Variants in ROR1 observed in about 807,000 individuals in gnomAD.
ROR1 encodes ROR family WNT receptor 1.
In ROR1, 19 loss-of-function variants were observed where a neutral mutation model predicts 78.8. The observed-to-expected ratio is 0.24, with a 90% confidence interval of 0.17 to 0.35. The LOEUF (loss-of-function observed/expected upper bound fraction) is 0.35, where lower values mean the gene tolerates loss of function less well. ROR1 is among the 10% of genes least tolerant of loss of function. ROR1 has a pLI of 1.00. For missense variants in ROR1, 917 were observed against 1,177.8 expected (o/e 0.78, Z 3.24); for synonymous variants, 386 against 433.6 (o/e 0.89, Z 1.36).
intron 1 of ROR1, among the ~76,000 whole-genome samples, chr1:63,905,052 C>T (rs1374236738): frequency 6.6e-6 from 1 of 152,112 alleles, no homozygotes; most frequent in Admixed American, 6.6e-5. Flanking sequence ...TGGGCCCTAT[C>T]TTATGTCACC....
intron 7 of ROR1, chr1:64,143,208 A>T: frequency 1.0e-6 from 1 of 990,186 alleles, no homozygotes; most frequent in Non-Finnish European, 1.2e-6. Context: ...TCCTTTTTCT[A>T]GAAAATGTTT....
intron 1 of ROR1, among the ~76,000 whole-genome samples, chr1:63,830,456 G>A (rs968252774): frequency 1.3e-5 from 2 of 152,172 alleles, no homozygotes; most frequent in Admixed American, 1.3e-4. Context: ...AGCGAGGCAT[G>A]TCTTACATGG....
chr1:63,847,856 G>A (rs1358348151), intron 1 of ROR1, among the ~76,000 whole-genome samples: 1 of 152,074 alleles, frequency 6.6e-6, no homozygotes, highest in Non-Finnish European at 1.5e-5. Context: ...TCTACTCATC[G>A]GTTAGATGGT....
At chr1:64,002,419 C>T (rs933791730) in intron 1 of ROR1, among the ~76,000 whole-genome samples, 6 of 152,096 alleles carry the variant, frequency 3.9e-5, no homozygotes, top group South Asian at 2.1e-4. Context: ...CCATTGCGCC[C>T]GGCCTGGTTC....
chr1:64,152,711 G>A (rs1442422554), intron 7 of ROR1, among the ~76,000 whole-genome samples: 2 of 152,024 alleles, frequency 1.3e-5, no homozygotes, highest in Non-Finnish European at 2.9e-5. Flanking sequence ...TTAGCCTGTC[G>A]AGTACGATCC....
At chr1:63,933,056 TTAATTGACTTG>T (rs1339868742) in intron 1 of ROR1, among the ~76,000 whole-genome samples, 2 of 152,176 alleles carry the variant, frequency 1.3e-5, no homozygotes, top group African/African-American at 4.8e-5. Context: ...CTTGCCAGCC[TTAATTGACTTG>T]TGTTGAAAAT....
chr1:64,137,241 C>A, intron 4 of ROR1, 128 bp from the exon 5 acceptor site: 2 of 886,024 alleles, frequency 2.3e-6, no homozygotes, highest in Admixed American at 5.2e-5. Context: ...AATTCCTTAG[C>A]CCAGTCTTTT....
At chr1:64,066,285 A>G (rs924349945) in intron 4 of ROR1, among the ~76,000 whole-genome samples, 2 of 151,636 alleles carry the variant, frequency 1.3e-5, no homozygotes, top group East Asian at 1.9e-4. Context: ...CACTAGAAAC[A>G]TCATACAGGG....
At chr1:63,993,471 A>C (rs1223336707) in intron 1 of ROR1, among the ~76,000 whole-genome samples, 1 of 152,160 alleles carries the variant, frequency 6.6e-6, no homozygotes, top group Admixed American at 6.5e-5. Context: ...ATTTTGGGGC[A>C]TCTCTTTTAT....
intron 1 of ROR1, among the ~76,000 whole-genome samples, chr1:63,818,119 A>G (rs1644903188): frequency 6.6e-6 from 1 of 152,240 alleles, no homozygotes; most frequent in South Asian, 2.1e-4. Context: ...ATCTGTAGCC[A>G]GTGAGTATCT....
intron 2 of ROR1, among the ~76,000 whole-genome samples, chr1:64,019,828 T>C (rs1646549856): frequency 6.6e-6 from 1 of 152,208 alleles, no homozygotes; most frequent in Admixed American, 6.5e-5. Context: ...TCCTAAACTC[T>C]GGAACCTGTG....
At chr1:64,092,848 T>C (rs1311480729) in intron 4 of ROR1, among the ~76,000 whole-genome samples, 1 of 152,198 alleles carries the variant, frequency 6.6e-6, no homozygotes, top group African/African-American at 2.4e-5. Flanking sequence ...TGCTTTTCAT[T>C]CTGCTTCCTA....
intron 1 of ROR1, among the ~76,000 whole-genome samples, chr1:63,917,748 G>A (rs1428810575): frequency 6.6e-6 from 1 of 152,196 alleles, no homozygotes; most frequent in Non-Finnish European, 1.5e-5. Flanking sequence ...CACAGGAAAT[G>A]ACTGTGGTTG....
intron 1 of ROR1, among the ~76,000 whole-genome samples, chr1:63,886,121 C>T (rs1209808601): frequency 6.6e-6 from 1 of 152,098 alleles, no homozygotes; most frequent in Non-Finnish European, 1.5e-5. Context: ...GTAGAGTTCA[C>T]GCTCCTATGA....
chr1:63,978,306 A>G (rs1304277229), intron 1 of ROR1, among the ~76,000 whole-genome samples: 3 of 152,228 alleles, frequency 2.0e-5, no homozygotes, highest in African/African-American at 7.2e-5. Flanking sequence ...ATCTTCCTAG[A>G]CAATAATTTT....
At chr1:64,010,159 C>G (rs772559639) in intron 2 of ROR1, among the ~76,000 whole-genome samples, 8 of 152,276 alleles carry the variant, frequency 5.3e-5, no homozygotes, top group Middle Eastern at 3.4e-3. Flanking sequence ...CAACAAATTA[C>G]TTCTCCCTCA....
chr1:63,905,680 A>G (rs998071083), intron 1 of ROR1, among the ~76,000 whole-genome samples: 1 of 152,236 alleles, frequency 6.6e-6, no homozygotes, highest in Non-Finnish European at 1.5e-5. Context: ...ATGGTAATAG[A>G]CATGCACCAT....
chr1:63,898,817 G>C (rs1645462659), intron 1 of ROR1, among the ~76,000 whole-genome samples: 1 of 152,004 alleles, frequency 6.6e-6, no homozygotes, highest in Non-Finnish European at 1.5e-5. Context: ...GTCAGGGAAG[G>C]CTTCCCAGAG....
chr1:63,864,839 A>AG (rs1386643008), intron 1 of ROR1, among the ~76,000 whole-genome samples: 2 of 134,206 alleles, frequency 1.5e-5, no homozygotes, highest in East Asian at 2.0e-4. Context: ...CAAAATTTCA[A>AG]GGTTTTTTTT....
Sources: allele counts gnomAD v4.1 joint callset (sites outside exome capture counted in the v4.1 genomes callset), GRCh38; gene constraint gnomAD v4.1.1; transcripts MANE v1.5; gene names NCBI Gene and HGNC (gene_info 2026-07-23, HGNC 2026-07-21).